Variants in SGCG observed in about 807,000 individuals in gnomAD.
The protein encoded by SGCG is sarcoglycan gamma.
A neutral mutation model predicts 29.3 loss-of-function variants in SGCG; 26 were observed. That is an observed-to-expected ratio of 0.89 (90% CI 0.65 to 1.23). The LOEUF (loss-of-function observed/expected upper bound fraction) is 1.23. SGCG is among the 50% of genes most tolerant of loss of function. The pLI, the probability that SGCG is intolerant of heterozygous loss-of-function variation, is 0.00. For synonymous variants in SGCG, 145 were observed against 129.7 expected (o/e 1.12, Z -0.80); for missense variants, 353 against 356.0 (o/e 0.99, Z 0.07).
At chr13:23,165,678 C>A in the SGCG span, among the ~76,000 whole-genome samples, 13 of 151,690 alleles carry the variant, frequency 8.6e-5, 1 homozygote, top group South Asian at 2.7e-3. Context: ...GCGCTTGCCA[C>A]CACGCCCAGC....
chr13:23,262,421 A>T (rs998194538), intron 4 of SGCG, among the ~76,000 whole-genome samples: 1 of 152,044 alleles, frequency 6.6e-6, no homozygotes, highest in Non-Finnish European at 1.5e-5. Context: ...ATGTAGTTAT[A>T]TAATGATGAG....
chr13:23,168,826 TATC>T, the SGCG span, among the ~76,000 whole-genome samples: 84 of 152,208 alleles, frequency 5.5e-4, 1 homozygote, highest in African/African-American at 1.9e-3. Context: ...ATTGTGTTAT[TATC>T]ATATTTTACC....
chr13:23,283,795 T>C (rs888273550), intron 5 of SGCG, among the ~76,000 whole-genome samples: 1 of 152,226 alleles, frequency 6.6e-6, no homozygotes, highest in Non-Finnish European at 1.5e-5. Context: ...CAGGAGCTCT[T>C]GTAAGGCAGG....
At chr13:23,294,177 A>G (rs1881821107) in intron 5 of SGCG, among the ~76,000 whole-genome samples, 1 of 152,170 alleles carries the variant, frequency 6.6e-6, no homozygotes, top group African/African-American at 2.4e-5. Context: ...TCTTAAGCCA[A>G]GGGTAGGACC....
chr13:23,268,731 A>G, intron 4 of SGCG: 1 of 152,786 alleles, frequency 6.5e-6, no homozygotes, highest in Non-Finnish European at 1.5e-5. Context: ...TGCTGCCCTC[A>G]GCACCAGTTG....
chr13:23,191,238 G>T, intron 1 of SGCG, among the ~76,000 whole-genome samples: 1 of 151,994 alleles, frequency 6.6e-6, no homozygotes, highest in African/African-American at 2.4e-5. Context: ...CTGCCACTTT[G>T]TTTGGAAGTC....
At chr13:23,169,838 G>T in the SGCG span, 1 of 151,878 alleles carries the variant, frequency 6.6e-6, no homozygotes, top group South Asian at 2.1e-4. Context: ...ATACAGTTTT[G>T]AACAACAAAG....
intron 2 of SGCG, among the ~76,000 whole-genome samples, chr13:23,218,779 T>C (rs1283997606): frequency 6.6e-6 from 1 of 151,954 alleles, no homozygotes; most frequent in African/African-American, 2.4e-5. Context: ...ATTTGAATGA[T>C]GGTTGATAGG....
chr13:23,183,848 A>G (rs563254273), intron 1 of SGCG, among the ~76,000 whole-genome samples: 47 of 152,168 alleles, frequency 3.1e-4, no homozygotes, highest in African/African-American at 1.0e-3. Flanking sequence ...TTGTATTTTT[A>G]GTAGAGACGG....
chr13:23,258,800 A>G (rs61946683), intron 4 of SGCG, among the ~76,000 whole-genome samples: 12,858 of 152,162 alleles, frequency 0.085, 702 homozygotes, highest in South Asian at 0.14. Flanking sequence ...ATCTATTGAG[A>G]TAATCATGTG....
At chr13:23,269,396 G>A (rs1336732829) in intron 4 of SGCG, among the ~76,000 whole-genome samples, 1 of 152,148 alleles carries the variant, frequency 6.6e-6, no homozygotes, top group East Asian at 1.9e-4. Context: ...ATTGGTTGCA[G>A]ACTCAGATCT....
intron 4 of SGCG, among the ~76,000 whole-genome samples, chr13:23,254,734 C>T (rs953798916): frequency 6.6e-6 from 1 of 152,160 alleles, no homozygotes; most frequent in Non-Finnish European, 1.5e-5. Context: ...CATTCCATCA[C>T]GGGCACAGAG....
At chr13:23,319,117 G>A (rs1882936089) in intron 6 of SGCG, among the ~76,000 whole-genome samples, 2 of 152,164 alleles carry the variant, frequency 1.3e-5, no homozygotes, top group African/African-American at 2.4e-5. Flanking sequence ...GGCCAAGATG[G>A]TGAAATCCCG....
intron 2 of SGCG, among the ~76,000 whole-genome samples, chr13:23,230,992 C>G (rs192778466): frequency 3.9e-5 from 6 of 152,102 alleles, no homozygotes; most frequent in Non-Finnish European, 8.8e-5. Flanking sequence ...AGTTTTAGCA[C>G]GAAAGGGTGT....
the SGCG span, among the ~76,000 whole-genome samples, chr13:23,166,675 G>T: frequency 1.3e-5 from 2 of 152,364 alleles, no homozygotes; most frequent in East Asian, 3.9e-4. Flanking sequence ...TTGTGTGCCA[G>T]AGGGGAAATG....
intron 5 of SGCG, among the ~76,000 whole-genome samples, chr13:23,283,314 A>G (rs546868760): frequency 2.6e-5 from 4 of 152,294 alleles, no homozygotes; most frequent in Non-Finnish European, 5.9e-5. Context: ...TATTGGGTGC[A>G]TATATATTTA....
At chr13:23,187,490 T>C (rs1336908252) in intron 1 of SGCG, among the ~76,000 whole-genome samples, 1 of 152,182 alleles carries the variant, frequency 6.6e-6, no homozygotes, top group Non-Finnish European at 1.5e-5. Context: ...AGGTTTTCTC[T>C]CACCACAATC....
chr13:23,161,321 C>A, the SGCG span, among the ~76,000 whole-genome samples: 1 of 152,204 alleles, frequency 6.6e-6, no homozygotes, highest in African/African-American at 2.4e-5. Context: ...ACCGAGTATT[C>A]TGATGTTTCT....
chr13:23,248,653 C>T (rs1300040890), intron 3 of SGCG, among the ~76,000 whole-genome samples: 1 of 150,116 alleles, frequency 6.7e-6, no homozygotes, highest in East Asian at 2.0e-4. Context: ...CAGATGGCGC[C>T]ACTGCACTCC....
Sources: allele counts gnomAD v4.1 joint callset (sites outside exome capture counted in the v4.1 genomes callset), GRCh38; gene constraint gnomAD v4.1.1; transcripts MANE v1.5; gene names NCBI Gene and HGNC (gene_info 2026-07-23, HGNC 2026-07-21).